Variants in CDYL2 observed in about 807,000 individuals in gnomAD.
CDYL2 encodes the protein chromodomain Y like 2.
In CDYL2, 23 loss-of-function variants were observed where a neutral mutation model predicts 49.4. The observed-to-expected ratio is 0.47, with a 90% CI of 0.34 to 0.66. The LOEUF is 0.66. CDYL2 is among the 30% of genes least tolerant of loss of function. CDYL2 has a pLI of 0.01. For synonymous variants in CDYL2, 360 were observed against 268.8 expected (o/e 1.34, Z -3.32); for missense variants, 678 against 656.4 (o/e 1.03, Z -0.36).
Position 80,804,280 on chromosome 16 carries a change from T to A in CDYL2, c.-107A>T. The A allele has an allele frequency of 9.8e-7, 1 of 1,021,324 alleles. No homozygotes were observed. Among genetic ancestry groups the A allele is most frequent in the South Asian group, 1.9e-5 (1 of 52,150 alleles). 63.3% of individuals were successfully genotyped at this position (1,021,324 alleles called of 1,614,324 possible). On this transcript the variant is annotated 5_prime_UTR_variant, in exon 1 of 7. Coordinates refer to ENST00000570137, the MANE Select transcript of CDYL2 (RefSeq NM_152342.4). ...GCGCGTGTGTGTGCGCGCGTGTGTGTGCGAGTGTGTGTGGTGTGTTGAGTA... is the reference window on the plus strand; with the variant it reads ...GCGCGTGTGTGTGCGCGCGTGTGTGAGCGAGTGTGTGTGGTGTGTTGAGTA...
At chr16:80,719,536 G>C (rs538330775) in intron 1 of CDYL2, among the ~76,000 whole-genome samples, 4 of 152,162 alleles carry the variant, frequency 2.6e-5, no homozygotes, top group Non-Finnish European at 5.9e-5. Flanking sequence ...TAAATTTTGA[G>C]AATCACTAGA....
At chr16:80,695,616 TA>T in intron 1 of CDYL2, among the ~76,000 whole-genome samples, 1 of 152,256 alleles carries the variant, frequency 6.6e-6, no homozygotes, top group East Asian at 1.9e-4. Flanking sequence ...TTATAGCAGA[TA>T]AAATAGACCT....
intron 1 of CDYL2, among the ~76,000 whole-genome samples, chr16:80,712,593 T>A (rs566965143): frequency 6.6e-6 from 1 of 151,970 alleles, no homozygotes; most frequent in Non-Finnish European, 1.5e-5. Flanking sequence ...AGTGGGTGGC[T>A]GGAGGCAGAA....
intron 2 of CDYL2, among the ~76,000 whole-genome samples, chr16:80,642,590 A>G (rs2142406639): frequency 6.6e-6 from 1 of 152,320 alleles, no homozygotes; most frequent in East Asian, 1.9e-4. Context: ...GACATCGGGT[A>G]GACTGGGAAG....
chr16:80,717,044 G>A (rs1027544523), intron 1 of CDYL2, among the ~76,000 whole-genome samples: 5 of 150,440 alleles, frequency 3.3e-5, no homozygotes, highest in African/African-American at 4.9e-5. Context: ...ATGGATGCAC[G>A]GATGGATGGA....
At chr16:80,635,324 T>C (rs1349506501) in intron 2 of CDYL2, among the ~76,000 whole-genome samples, 1 of 152,180 alleles carries the variant, frequency 6.6e-6, no homozygotes, top group Non-Finnish European at 1.5e-5. Flanking sequence ...AACCCCATCA[T>C]CTCAGCCCAA....
Position 80,600,175 on chromosome 16 carries a change from T to C in CDYL2, c.*4213A>G, listed in dbSNP as rs1026529193. 3.3e-5 allele frequency: 5 copies of C among 152,340 alleles called. No homozygotes were observed. Among genetic ancestry groups the C allele is most frequent in the African/African-American group, 9.6e-5 (4 of 41,582 alleles). The allele number at this position is 152,340 out of a possible 1,614,324, so 9.4% of individuals were successfully genotyped here. A position where few individuals can be genotyped will look rare whatever the true frequency, so the allele number is the denominator to read the frequency against. On this transcript the variant is annotated 3_prime_UTR_variant, in exon 7 of 7. Transcript: ENST00000570137. Reference sequence around the variant, plus strand: ...ACAAATTCAATACATTTTGAAATTATACTTCAAACGCAATTACTTCGAAAA... The same window carrying C: ...ACAAATTCAATACATTTTGAAATTACACTTCAAACGCAATTACTTCGAAAA...
intron 2 of CDYL2, among the ~76,000 whole-genome samples, chr16:80,678,061 T>C (rs1164307204): frequency 1.3e-5 from 2 of 152,046 alleles, no homozygotes; most frequent in Admixed American, 1.3e-4. Context: ...TAGCCATATG[T>C]AGAAAGCTGA....
intron 2 of CDYL2, among the ~76,000 whole-genome samples, chr16:80,661,635 G>C (rs1006555003): frequency 4.6e-5 from 7 of 152,166 alleles, no homozygotes. Context: ...ACTAGCCCTG[G>C]TCTCAGGCCC....
chr16:80,695,196 C>T (rs1463537047), intron 1 of CDYL2, among the ~76,000 whole-genome samples: 2 of 152,212 alleles, frequency 1.3e-5, no homozygotes, highest in African/African-American at 2.4e-5. Flanking sequence ...TCTGTGGCTG[C>T]TTTCACAATA....
intron 1 of CDYL2, among the ~76,000 whole-genome samples, chr16:80,686,063 A>T (rs1440551694): frequency 6.6e-6 from 1 of 152,202 alleles, no homozygotes; most frequent in Non-Finnish European, 1.5e-5. Flanking sequence ...ATAGATGAAG[A>T]TATTGCATAT....
chr16:80,764,330 C>T (rs114169271), intron 1 of CDYL2, among the ~76,000 whole-genome samples: 1,771 of 152,164 alleles, frequency 0.012, 32 homozygotes, highest in African/African-American at 0.04. Context: ...CAAGACTGTT[C>T]TGAGAGACAG....
At chr16:80,607,334 C>T (rs903286265) in intron 6 of CDYL2, among the ~76,000 whole-genome samples, 2 of 152,092 alleles carry the variant, frequency 1.3e-5, no homozygotes, top group African/African-American at 4.8e-5. Context: ...GCATGACAGC[C>T]GGGTGTGAAC....
chr16:80,706,899 A>T (rs1348974033), intron 1 of CDYL2, among the ~76,000 whole-genome samples: 1 of 152,322 alleles, frequency 6.6e-6, no homozygotes. Context: ...TACACGGCCA[A>T]CTGACTCAGG....
chr16:80,681,208 A>G (rs769972035), intron 2 of CDYL2, among the ~76,000 whole-genome samples: 16 of 152,016 alleles, frequency 1.1e-4, no homozygotes, highest in Non-Finnish European at 1.9e-4. Flanking sequence ...CACCCCCAAA[A>G]CAAATGCTGT....
At chr16:80,699,134 T>C (rs1396258123) in intron 1 of CDYL2, among the ~76,000 whole-genome samples, 2 of 152,198 alleles carry the variant, frequency 1.3e-5, no homozygotes, top group Non-Finnish European at 2.9e-5. Flanking sequence ...TAATATCATA[T>C]GATTCAATAA....
intron 1 of CDYL2, among the ~76,000 whole-genome samples, chr16:80,706,381 A>G (rs1340166053): frequency 6.6e-6 from 1 of 152,224 alleles, no homozygotes; most frequent in Non-Finnish European, 1.5e-5. Context: ...AAGCTCTCGG[A>G]AACAAGATAA....
intron 1 of CDYL2, among the ~76,000 whole-genome samples, chr16:80,737,338 G>C (rs1185432293): frequency 6.6e-6 from 1 of 152,116 alleles, no homozygotes; most frequent in African/African-American, 2.4e-5. Flanking sequence ...TTACAGGTAA[G>C]GTCTCACCGA....
intron 1 of CDYL2, among the ~76,000 whole-genome samples, chr16:80,767,952 C>T (rs560738432): frequency 1.1e-4 from 16 of 152,300 alleles, no homozygotes; most frequent in African/African-American, 3.6e-4. Flanking sequence ...TTTACGGATG[C>T]AGGGCTGTAT....
Sources: gnomAD v4.1 joint callset for allele counts (sites outside exome capture counted in the v4.1 genomes callset) on GRCh38, gnomAD v4.1.1 for gene constraint, MANE v1.5 for transcripts, NCBI Gene and HGNC (gene_info 2026-07-23, HGNC 2026-07-21) for gene names.